METTL15: variants seen among roughly 807,000 people sequenced by gnomAD.
METTL15 encodes 12S rRNA N(4)-cytidine methyltransferase METTL15.
A neutral mutation model predicts 38.3 loss-of-function variants in METTL15; 34 were observed. The ratio of observed to expected loss-of-function variants is 0.89; its 90% CI spans 0.68 to 1.18. The LOEUF (loss-of-function observed/expected upper bound fraction) is 1.18. Ranked by LOEUF, METTL15 falls within the 50% of genes most tolerant of loss-of-function variation. The pLI is 0.00. For missense variants in METTL15, 438 were observed against 498.4 expected, an observed-to-expected ratio of 0.88 and a Z score of 1.15; for synonymous variants, 162 against 170.9, an observed-to-expected ratio of 0.95 and a Z score of 0.41.
chr11:28,506,265 A>G (rs1347488472), intron 6 of METTL15, among the ~76,000 whole-genome samples: 6 of 152,154 alleles, frequency 3.9e-5, no homozygotes, highest in African/African-American at 1.4e-4. Context: ...CTTTATTATG[A>G]CTTAGTCCCT....
At chr11:28,366,067 A>G (rs1564907706) in intron 5 of METTL15, among the ~76,000 whole-genome samples, 1 of 152,074 alleles carries the variant, frequency 6.6e-6, no homozygotes, top group Non-Finnish European at 1.5e-5. Context: ...AAACAAATAA[A>G]TAAATAAGTA....
At chr11:28,430,900 G>T (rs1319945612) in intron 6 of METTL15, among the ~76,000 whole-genome samples, 7 of 118,584 alleles carry the variant, frequency 5.9e-5, no homozygotes, top group Non-Finnish European at 1.1e-4. Context: ...CGGGAGGGAG[G>T]TGGGGGGGTC....
intron 5 of METTL15, among the ~76,000 whole-genome samples, chr11:28,400,593 CT>C (rs1217313255): frequency 5.9e-5 from 9 of 151,922 alleles, no homozygotes; most frequent in African/African-American, 2.2e-4. Context: ...TCCCTCACCC[CT>C]CTTGAGGTCC....
At chr11:28,425,270 T>C (rs1850854160) in intron 6 of METTL15, among the ~76,000 whole-genome samples, 1 of 152,220 alleles carries the variant, frequency 6.6e-6, no homozygotes, top group Non-Finnish European at 1.5e-5. Context: ...CAAAGTAATG[T>C]TTCCAAAATA....
chr11:28,250,282 C>A (rs1000058725), intron 4 of METTL15, among the ~76,000 whole-genome samples: 3 of 152,006 alleles, frequency 2.0e-5, no homozygotes, highest in Non-Finnish European at 4.4e-5. Flanking sequence ...GTTTTAAGTT[C>A]TTTAAGAAAT....
intron 3 of METTL15, among the ~76,000 whole-genome samples, chr11:28,339,109 G>A (rs916816173): frequency 1.3e-5 from 2 of 152,022 alleles, no homozygotes; most frequent in Non-Finnish European, 2.9e-5. Flanking sequence ...CCTTGAAGTT[G>A]GATTAAATTG....
chr11:28,156,417 A>G (rs867262688), intron 3 of METTL15, among the ~76,000 whole-genome samples: 1 of 152,208 alleles, frequency 6.6e-6, no homozygotes, highest in Non-Finnish European at 1.5e-5. Flanking sequence ...AAGAAAGTGT[A>G]TATTTAGTTC....
chr11:28,340,941 A>G (rs1333259961), intron 3 of METTL15, among the ~76,000 whole-genome samples: 1 of 152,218 alleles, frequency 6.6e-6, no homozygotes, highest in Non-Finnish European at 1.5e-5. Context: ...TCAATAATAG[A>G]CTGGATAAAG....
At chr11:28,330,142 C>A (rs1275379179) in intron 6 of METTL15, among the ~76,000 whole-genome samples, 1 of 152,070 alleles carries the variant, frequency 6.6e-6, no homozygotes, top group African/African-American at 2.4e-5. Context: ...ATATGTCCAC[C>A]ATTTCTCTTT....
At chr11:28,282,159 A>G (rs1856079218) in intron 4 of METTL15, among the ~76,000 whole-genome samples, 1 of 152,168 alleles carries the variant, frequency 6.6e-6, no homozygotes, top group African/African-American at 2.4e-5. Flanking sequence ...TACTGCTAAC[A>G]TGCTACTCTC....
intron 6 of METTL15, among the ~76,000 whole-genome samples, chr11:28,509,694 G>C (rs1281610847): frequency 6.6e-6 from 1 of 152,086 alleles, no homozygotes; most frequent in African/African-American, 2.4e-5. Context: ...AAAATGAAGG[G>C]CTCAAATTAG....
At chr11:28,240,314 CAA>C (rs1325308790) in intron 4 of METTL15, among the ~76,000 whole-genome samples, 1 of 152,106 alleles carries the variant, frequency 6.6e-6, no homozygotes, top group South Asian at 2.1e-4. Context: ...CTTTAAGTAA[CAA>C]AGTTATATAA....
intron 4 of METTL15, among the ~76,000 whole-genome samples, chr11:28,230,528 T>A (rs1291544328): frequency 6.6e-6 from 1 of 151,946 alleles, no homozygotes; most frequent in Non-Finnish European, 1.5e-5. Flanking sequence ...AAAGACTTCA[T>A]TTTATCTTGG....
intron 3 of METTL15, among the ~76,000 whole-genome samples, chr11:28,164,682 T>A (rs1850593541): frequency 6.6e-6 from 1 of 152,104 alleles, no homozygotes; most frequent in South Asian, 2.1e-4. Flanking sequence ...TGAAATTAAC[T>A]CTTTTAGCTA....
rs1481895516 is a variant in METTL15, at chr11:28,296,823, A to C, written c.670A>C (p.Arg224=). The change falls in exon 6 of 7, where the codon AGA becomes CGA. Residue 224 remains arginine (R), a synonymous_variant. Coordinates refer to ENST00000407364, the MANE Select transcript of METTL15 (RefSeq NM_001113528.2). ...TCAACAGGCACTTGCATCTATCCTAAGAACATACGGGGAGGAGAAGCATGC... is the reference window on the plus strand; with the variant it reads ...TCAACAGGCACTTGCATCTATCCTACGAACATACGGGGAGGAGAAGCATGC... ...LDQQALASIL[R]TYGEEKHAKK... is the part of the protein sequence containing the mutation. The C allele has an allele frequency of 6.2e-7, 1 of 1,613,562 alleles. No individual in the cohort carries two copies. Among genetic ancestry groups the C allele is most frequent in the Admixed American group, 1.7e-5 (1 of 59,906 alleles).
chr11:28,389,839 G>T (rs1458146689), intron 5 of METTL15, among the ~76,000 whole-genome samples: 1 of 151,684 alleles, frequency 6.6e-6, no homozygotes, highest in Non-Finnish European at 1.5e-5. Flanking sequence ...CTAGTTTACA[G>T]TCCCACCAAC....
chr11:28,154,046 T>C (rs1478723528), intron 3 of METTL15, among the ~76,000 whole-genome samples: 1 of 152,160 alleles, frequency 6.6e-6, no homozygotes, highest in Non-Finnish European at 1.5e-5. Context: ...AGTGGGTTCT[T>C]ACCTGATTTT....
At chr11:28,427,396 A>G (rs902822370) in intron 6 of METTL15, among the ~76,000 whole-genome samples, 1 of 152,122 alleles carries the variant, frequency 6.6e-6, no homozygotes, top group African/African-American at 2.4e-5. Flanking sequence ...CTTTTTGTTT[A>G]GGATTGTCTT....
intron 5 of METTL15, among the ~76,000 whole-genome samples, chr11:28,382,268 G>T (rs1333620357): frequency 6.6e-6 from 1 of 152,122 alleles, no homozygotes; most frequent in African/African-American, 2.4e-5. Context: ...GCGTGTCTTT[G>T]GGCAAGTTAC....
Sources: gnomAD v4.1 joint callset for allele counts (sites outside exome capture counted in the v4.1 genomes callset) on GRCh38, gnomAD v4.1.1 for gene constraint, MANE v1.5 for transcripts, NCBI Gene and HGNC (gene_info 2026-07-23, HGNC 2026-07-21) for gene names.